Variants in CTNNA3 observed in about 807,000 individuals in gnomAD.
CTNNA3 encodes the protein catenin alpha-3.
In CTNNA3, 76 loss-of-function variants were observed where a neutral mutation model predicts 95.7. The observed-to-expected ratio is 0.79, with a 90% CI of 0.66 to 0.96. The LOEUF (loss-of-function observed/expected upper bound fraction) is 0.96, where lower values mean the gene tolerates loss of function less well. Ranked by LOEUF, CTNNA3 falls within the 40% of genes least tolerant of loss-of-function variation. The pLI is 0.00. For synonymous variants in CTNNA3, 431 were observed against 374.4 expected (o/e 1.15, Z -1.74); for missense variants, 1,191 against 1,089.8 (o/e 1.09, Z -1.31).
chr10:66,367,602 T>C lies in CTNNA3; in HGVS notation c.1732+11550A>G, dbSNP rs113324391. ...TTTGCCATGTGACACTAAAATCTGG[T>C]TTCTTAACAATGACAAAAGAAATGA... On this transcript the variant is annotated intron_variant, in intron 12 of 17. Transcript: ENST00000433211. Among the ~76,000 whole-genome samples the C allele has an allele frequency of 1.7e-4, 25 of 149,714 alleles. 1 individual carries two copies. Among genetic ancestry groups the C allele is most frequent in the African/African-American group, 6.1e-4 (25 of 41,162 alleles).
chr10:67,248,584 T>A (rs1319798801), intron 5 of CTNNA3, among the ~76,000 whole-genome samples: 2 of 151,796 alleles, frequency 1.3e-5, no homozygotes, highest in African/African-American at 4.8e-5. Flanking sequence ...CTTGGCTGGT[T>A]TTTGCTTTTG....
At chr10:66,243,884 T>G (rs2090203353) in intron 13 of CTNNA3, among the ~76,000 whole-genome samples, 1 of 151,734 alleles carries the variant, frequency 6.6e-6, no homozygotes. Context: ...GGGTGAGACT[T>G]TGAGACATGC....
At chr10:67,275,787 A>C (rs1015526754) in intron 5 of CTNNA3, among the ~76,000 whole-genome samples, 1 of 152,146 alleles carries the variant, frequency 6.6e-6, no homozygotes, top group African/African-American at 2.4e-5. Flanking sequence ...TCTCCTTTTC[A>C]GGTTAAATCA....
chr10:66,253,417 A>C (rs1267920948), intron 13 of CTNNA3, among the ~76,000 whole-genome samples: 1 of 151,842 alleles, frequency 6.6e-6, no homozygotes, highest in African/African-American at 2.4e-5. Context: ...CTCAAGGTTC[A>C]TTTTACTATA....
At chr10:66,407,423 GATA>G (rs796912259) in intron 11 of CTNNA3, among the ~76,000 whole-genome samples, 4 of 151,834 alleles carry the variant, frequency 2.6e-5, no homozygotes, top group African/African-American at 9.7e-5. Context: ...TAGCACCGAT[GATA>G]ATAATAATAA....
intron 15 of CTNNA3, among the ~76,000 whole-genome samples, chr10:65,992,545 T>C (rs1337624382): frequency 1.3e-5 from 2 of 152,092 alleles, no homozygotes; most frequent in Non-Finnish European, 2.9e-5. Flanking sequence ...CTGTTAATAA[T>C]AGTGTCTGAT....
At chr10:67,251,833 C>T (rs1391350120) in intron 5 of CTNNA3, among the ~76,000 whole-genome samples, 1 of 152,102 alleles carries the variant, frequency 6.6e-6, no homozygotes, top group Non-Finnish European at 1.5e-5. Flanking sequence ...GCAGTATTAA[C>T]GTAAACACAG....
intron 3 of CTNNA3, among the ~76,000 whole-genome samples, chr10:67,579,635 T>A (rs1842307748): frequency 6.6e-6 from 1 of 152,218 alleles, no homozygotes; most frequent in African/African-American, 2.4e-5. Flanking sequence ...CCACACTGTC[T>A]TCGACAATGG....
chr10:66,935,305 G>T (rs1005280768), intron 7 of CTNNA3, among the ~76,000 whole-genome samples: 1 of 152,010 alleles, frequency 6.6e-6, no homozygotes. Flanking sequence ...CCTCTCTAAG[G>T]TACAACAGTG....
intron 1 of CTNNA3, 36 bp from the exon 2 acceptor site, chr10:67,647,554 G>GA: frequency 6.5e-7 from 1 of 1,546,012 alleles, no homozygotes; most frequent in Non-Finnish European, 8.9e-7. Context: ...TATTAATAAA[G>GA]AAAACTGTTT....
intron 5 of CTNNA3, among the ~76,000 whole-genome samples, chr10:67,280,828 G>A (rs1839369228): frequency 6.6e-6 from 1 of 152,072 alleles, no homozygotes; most frequent in African/African-American, 2.4e-5. Flanking sequence ...CCAATGAAGA[G>A]GGTATATAAG....
chr10:67,381,476 T>C (rs1215707743), intron 5 of CTNNA3, among the ~76,000 whole-genome samples: 1 of 152,216 alleles, frequency 6.6e-6, no homozygotes, highest in African/African-American at 2.4e-5. Flanking sequence ...TTTAATGATC[T>C]ATTCAGATGT....
chr10:67,404,020 GAAC>G (rs1332732499), intron 5 of CTNNA3, among the ~76,000 whole-genome samples: 2 of 152,040 alleles, frequency 1.3e-5, no homozygotes, highest in Admixed American at 6.6e-5. Flanking sequence ...AAAACAACAA[GAAC>G]AACAACAACA....
chr10:67,221,977 A>G (rs545125052), intron 5 of CTNNA3, among the ~76,000 whole-genome samples: 4 of 152,302 alleles, frequency 2.6e-5, no homozygotes, highest in East Asian at 1.9e-4. Flanking sequence ...TATTAGTCCT[A>G]TTTTAACTAA....
intron 7 of CTNNA3, among the ~76,000 whole-genome samples, chr10:67,074,002 T>C (rs935070030): frequency 6.6e-6 from 1 of 151,564 alleles, no homozygotes; most frequent in Admixed American, 6.6e-5. Context: ...TCTACTGAAT[T>C]ATCAAAATAA....
intron 13 of CTNNA3, among the ~76,000 whole-genome samples, chr10:66,193,773 T>C (rs981465906): frequency 8.5e-5 from 13 of 152,268 alleles, no homozygotes; most frequent in African/African-American, 3.1e-4. Flanking sequence ...CTAAAAAGCA[T>C]GGCAACATAT....
chr10:65,941,906 T>A (rs1423927639), intron 17 of CTNNA3, among the ~76,000 whole-genome samples: 1 of 152,198 alleles, frequency 6.6e-6, no homozygotes. Flanking sequence ...CCCTTGTGTA[T>A]GTCTTATTTC....
At chr10:67,055,065 A>G (rs1455697828) in intron 7 of CTNNA3, 4 of 152,102 alleles carry the variant, frequency 2.6e-5, no homozygotes, top group African/African-American at 9.7e-5. Context: ...TATTTTATCA[A>G]ATAGAAATAG....
At chr10:66,378,624 T>C (rs1352826669) in intron 12 of CTNNA3, among the ~76,000 whole-genome samples, 1 of 152,156 alleles carries the variant, frequency 6.6e-6, no homozygotes, top group African/African-American at 2.4e-5. Flanking sequence ...CTAACCTGAG[T>C]GCTGCAATCA....
Sources: allele counts gnomAD v4.1 joint callset (sites outside exome capture counted in the v4.1 genomes callset), GRCh38; gene constraint gnomAD v4.1.1; transcripts MANE v1.5; gene names NCBI Gene and HGNC (gene_info 2026-07-23, HGNC 2026-07-21).